Variants in FBXL13 observed in about 807,000 individuals in gnomAD.
The protein encoded by FBXL13 is F-box and leucine-rich repeat protein 13.
FBXL13 carries 67 observed loss-of-function variants against 83.6 expected under a neutral mutation model. The ratio of observed to expected loss-of-function variants is 0.80; its 90% confidence interval spans 0.66 to 0.98. FBXL13 has a LOEUF of 0.98. Ranked by LOEUF, FBXL13 falls within the 50% of genes least tolerant of loss-of-function variation. The pLI is 0.00. For missense variants in FBXL13, 822 were observed against 866.5 expected (o/e 0.95, Z 0.64); for synonymous variants, 272 against 299.5 (o/e 0.91, Z 0.95).
intron 11 of FBXL13, among the ~76,000 whole-genome samples, chr7:102,907,358 T>A (rs985649633): frequency 1.3e-5 from 2 of 152,194 alleles, no homozygotes; most frequent in Admixed American, 6.5e-5. Context: ...CTAGGGTACA[T>A]GTGCACCATG....
At chr7:102,926,467 A>G in intron 9 of FBXL13, 93 bp from the exon 11 acceptor site, 2 of 898,730 alleles carry the variant, frequency 2.2e-6, no homozygotes, top group Non-Finnish European at 3.4e-6. Flanking sequence ...CCTGTTCCAG[A>G]AAAAAATACA....
chr7:103,033,210 G>T (rs1245176655), intron 2 of FBXL13, among the ~76,000 whole-genome samples: 2 of 152,052 alleles, frequency 1.3e-5, no homozygotes, highest in Non-Finnish European at 2.9e-5. Context: ...TGCTCTGAAA[G>T]AAAGACAAGA....
intron 8 of FBXL13, 68 bp downstream of exon 9, chr7:102,963,465 C>T: frequency 1.3e-6 from 2 of 1,574,176 alleles, no homozygotes; most frequent in Non-Finnish European, 1.7e-6. Flanking sequence ...TTAATCTATG[C>T]TTTTCTGTAT....
At chr7:102,830,976 A>G (rs1200747496) in intron 18 of FBXL13, among the ~76,000 whole-genome samples, 1 of 152,196 alleles carries the variant, frequency 6.6e-6, no homozygotes, top group Non-Finnish European at 1.5e-5. Context: ...ACTAAAAACT[A>G]ATCGGAAGGT....
At chr7:102,988,277 A>G (rs1248401848) in intron 6 of FBXL13, 1 of 152,216 alleles carries the variant, frequency 6.6e-6, no homozygotes, top group Non-Finnish European at 1.5e-5. Context: ...AAGGGTAAAG[A>G]TATGCTCAGG....
intron 2 of FBXL13, among the ~76,000 whole-genome samples, chr7:103,039,814 C>T (rs1454064818): frequency 6.6e-6 from 1 of 152,014 alleles, no homozygotes; most frequent in African/African-American, 2.4e-5. Context: ...ATTACAAGAG[C>T]TCCTGGTGGA....
At chr7:102,894,294 G>C (rs893002111) in intron 11 of FBXL13, among the ~76,000 whole-genome samples, 2 of 152,162 alleles carry the variant, frequency 1.3e-5, no homozygotes, top group Non-Finnish European at 2.9e-5. Flanking sequence ...AGTTTCGTGG[G>C]CTCTAGAGAG....
chr7:102,964,424 A>T (rs1215547476), intron 7 of FBXL13, among the ~76,000 whole-genome samples: 2 of 145,788 alleles, frequency 1.4e-5, no homozygotes, highest in African/African-American at 2.6e-5. Context: ...TTTTTTCCAG[A>T]CTGAGTCTCT....
chr7:102,938,587 G>A (rs1820778708), intron 8 of FBXL13, among the ~76,000 whole-genome samples: 1 of 152,148 alleles, frequency 6.6e-6, no homozygotes, highest in African/African-American at 2.4e-5. Flanking sequence ...AGAATTTGGG[G>A]TAGCAGTATA....
chr7:102,867,716 T>G (rs1807949470), intron 16 of FBXL13, among the ~76,000 whole-genome samples: 1 of 124,426 alleles, frequency 8.0e-6, no homozygotes, highest in Admixed American at 7.8e-5. Context: ...TTTTTTTTTT[T>G]TTTTGAGACA....
intron 18 of FBXL13, among the ~76,000 whole-genome samples, chr7:102,830,282 C>T (rs1800428552): frequency 6.6e-6 from 1 of 152,192 alleles, no homozygotes; most frequent in Admixed American, 6.5e-5. Flanking sequence ...TTTTCTCATT[C>T]TCCTACTTTC....
Position 102,907,365 on chromosome 7 carries a change from C to G in FBXL13, c.1008+5721G>C, listed in dbSNP as rs1402623096. On this transcript the variant is annotated intron_variant, in intron 11 of 19. Transcript: ENST00000313221. Reference sequence around the variant, plus strand: ...TTTAAGTTCTAGGGTACATGTGCACCATGTGCAGGTTTGTTACATATGTAT... The same window carrying G: ...TTTAAGTTCTAGGGTACATGTGCACGATGTGCAGGTTTGTTACATATGTAT... Among the ~76,000 whole-genome samples the G allele has an allele frequency of 2.8e-4, 43 of 151,730 alleles. 1 individual carries two copies. Among genetic ancestry groups the G allele is most frequent in the Admixed American group, 2.8e-3 (43 of 15,224 alleles).
chr7:102,943,490 AC>A (rs1454064953), intron 8 of FBXL13, among the ~76,000 whole-genome samples: 4 of 152,230 alleles, frequency 2.6e-5, no homozygotes, highest in African/African-American at 9.6e-5. Context: ...ATAATTAAAA[AC>A]AAAACCTTCT....
chr7:102,993,837 G>A (rs192946745), intron 6 of FBXL13, among the ~76,000 whole-genome samples: 4 of 152,298 alleles, frequency 2.6e-5, no homozygotes, highest in Admixed American at 2.0e-4. Flanking sequence ...TTTGTTATGT[G>A]TATTCTAAGA....
At chr7:102,994,719 TAGTTCTGATTGGTTGACACTTGCAG>T (rs1317010251) in intron 6 of FBXL13, among the ~76,000 whole-genome samples, 3 of 152,176 alleles carry the variant, frequency 2.0e-5, no homozygotes, top group Non-Finnish European at 4.4e-5. Flanking sequence ...CAAACTGGCT[TAGTTCTGATTGGTTGACACTTGCAG>T]AGTTCTGATT....
chr7:102,888,822 G>T (rs570603379), intron 11 of FBXL13, among the ~76,000 whole-genome samples: 1 of 152,192 alleles, frequency 6.6e-6, no homozygotes, highest in East Asian at 1.9e-4. Flanking sequence ...TTCAAAACAT[G>T]AACAGAGGAG....
intron 2 of FBXL13, among the ~76,000 whole-genome samples, chr7:103,040,042 A>G (rs1487825520): frequency 6.6e-5 from 10 of 151,944 alleles, no homozygotes; most frequent in Admixed American, 6.6e-4. Context: ...CTGGATAAAG[A>G]GTCAAGACCC....
intron 2 of FBXL13, among the ~76,000 whole-genome samples, chr7:103,039,783 T>C (rs1484466885): frequency 6.6e-6 from 1 of 151,906 alleles, no homozygotes; most frequent in Non-Finnish European, 1.5e-5. Context: ...TGCTGAGAGA[T>C]TTTGTCACCA....
intron 11 of FBXL13, among the ~76,000 whole-genome samples, chr7:102,900,730 G>A (rs1011578121): frequency 1.3e-5 from 2 of 152,030 alleles, no homozygotes; most frequent in Non-Finnish European, 1.5e-5. Flanking sequence ...ACTCTCACTG[G>A]GCCTAAAGGG....
Sources: gnomAD v4.1 joint callset for allele counts (sites outside exome capture counted in the v4.1 genomes callset) on GRCh38, gnomAD v4.1.1 for gene constraint, MANE v1.5 for transcripts, NCBI Gene and HGNC (gene_info 2026-07-23, HGNC 2026-07-21) for gene names.